Variants in NLGN1 observed in about 807,000 individuals in gnomAD.
The protein encoded by NLGN1 is neuroligin-1.
NLGN1 carries 12 observed loss-of-function variants against 65.5 expected under a neutral mutation model. That is an observed-to-expected ratio of 0.18 (90% CI 0.12 to 0.30). The LOEUF (loss-of-function observed/expected upper bound fraction) is 0.30. Ranked by LOEUF, NLGN1 falls within the 10% of genes least tolerant of loss-of-function variation. The pLI, the probability that NLGN1 is intolerant of heterozygous loss-of-function variation, is 1.00. For missense variants in NLGN1, 750 were observed against 1,007.1 expected (o/e 0.74, Z 3.46); for synonymous variants, 350 against 359.5 (o/e 0.97, Z 0.30).
intron 3 of NLGN1, among the ~76,000 whole-genome samples, chr3:173,787,626 A>G (rs1024569296): frequency 6.6e-5 from 10 of 152,200 alleles, no homozygotes; most frequent in Non-Finnish European, 1.0e-4. Context: ...TCCATAAAGC[A>G]TGAGGCCTCT....
chr3:173,978,827 C>A (rs1200697080), intron 4 of NLGN1, among the ~76,000 whole-genome samples: 3 of 130,028 alleles, frequency 2.3e-5, no homozygotes, highest in Non-Finnish European at 4.8e-5. Flanking sequence ...GAAACCCCTT[C>A]TCTAATTAAA....
intron 1 of NLGN1, among the ~76,000 whole-genome samples, chr3:173,410,112 T>C (rs1712201766): frequency 6.6e-6 from 1 of 152,236 alleles, no homozygotes; most frequent in African/African-American, 2.4e-5. Flanking sequence ...ACTTCACCTC[T>C]CTTTGATTTA....
At chr3:173,699,556 A>G (rs1159728393) in intron 3 of NLGN1, among the ~76,000 whole-genome samples, 2 of 152,212 alleles carry the variant, frequency 1.3e-5, no homozygotes, top group African/African-American at 4.8e-5. Context: ...GTGAATACAA[A>G]TGTAAGCTTC....
intron 4 of NLGN1, among the ~76,000 whole-genome samples, chr3:174,042,232 A>G (rs971725159): frequency 6.6e-6 from 1 of 151,826 alleles, no homozygotes; most frequent in African/African-American, 2.4e-5. Context: ...ATTTTGATGT[A>G]TTATTTTTTT....
At chr3:173,582,389 A>G (rs531663044) in intron 2 of NLGN1, among the ~76,000 whole-genome samples, 3 of 152,160 alleles carry the variant, frequency 2.0e-5, no homozygotes, top group South Asian at 4.1e-4. Flanking sequence ...ATGTTCAACT[A>G]TTGCTAAACT....
chr3:173,912,847 A>G (rs1739904117), intron 4 of NLGN1, among the ~76,000 whole-genome samples: 1 of 152,186 alleles, frequency 6.6e-6, no homozygotes, highest in East Asian at 1.9e-4. Context: ...TGGCTAGACG[A>G]AAATACTATA....
At chr3:173,761,359 A>G (rs755006486) in intron 3 of NLGN1, among the ~76,000 whole-genome samples, 4 of 152,034 alleles carry the variant, frequency 2.6e-5, no homozygotes, top group Admixed American at 6.6e-5. Flanking sequence ...TCCCAAACTC[A>G]GAAGAAAGGT....
chr3:173,748,079 C>T (rs551022651), intron 3 of NLGN1, among the ~76,000 whole-genome samples: 1 of 151,976 alleles, frequency 6.6e-6, no homozygotes, highest in African/African-American at 2.4e-5. Flanking sequence ...GGACTATAGG[C>T]ATGAGCCACC....
chr3:173,989,091 A>G (rs1387840778), intron 4 of NLGN1, among the ~76,000 whole-genome samples: 1 of 152,170 alleles, frequency 6.6e-6, no homozygotes, highest in Non-Finnish European at 1.5e-5. Flanking sequence ...ATTCTGTCAC[A>G]TCTCTCAAGG....
intron 4 of NLGN1, among the ~76,000 whole-genome samples, chr3:173,842,957 G>A (rs886717150): frequency 6.6e-5 from 10 of 152,274 alleles, no homozygotes; most frequent in East Asian, 3.9e-4. Flanking sequence ...CATGAGAGCC[G>A]TGCCCCTGCA....
At chr3:174,284,833 A>T (rs1011949832) in exon 7 of NLGN1, 1 of 151,438 alleles carries the variant, frequency 6.6e-6, no homozygotes, top group Non-Finnish European at 1.5e-5. Context: ...CTGAGTATAT[A>T]TTATTTTATT....
intron 4 of NLGN1, among the ~76,000 whole-genome samples, chr3:173,865,316 A>G (rs1361094133): frequency 6.6e-6 from 1 of 151,994 alleles, no homozygotes; most frequent in Admixed American, 6.6e-5. Flanking sequence ...ATGGTATATT[A>G]TTTGATTACA....
At chr3:173,867,793 G>A (rs551019676) in intron 4 of NLGN1, among the ~76,000 whole-genome samples, 1 of 152,198 alleles carries the variant, frequency 6.6e-6, no homozygotes, top group African/African-American at 2.4e-5. Flanking sequence ...AGAGGAGCAT[G>A]TGATAGGTTG....
At chr3:173,463,428 G>A (rs367928346) in intron 2 of NLGN1, among the ~76,000 whole-genome samples, 1 of 152,020 alleles carries the variant, frequency 6.6e-6, no homozygotes, top group Admixed American at 6.6e-5. Context: ...TGTTGCTCCC[G>A]CTGACCTTGT....
At chr3:174,232,285 T>G (rs1156593646) in intron 4 of NLGN1, among the ~76,000 whole-genome samples, 1 of 152,094 alleles carries the variant, frequency 6.6e-6, no homozygotes, top group Non-Finnish European at 1.5e-5. Context: ...AGAAGGAATT[T>G]CACAGGACAA....
chr3:173,753,404 G>A (rs913891212), intron 3 of NLGN1, among the ~76,000 whole-genome samples: 4 of 151,912 alleles, frequency 2.6e-5, no homozygotes, highest in African/African-American at 4.8e-5. Context: ...CCAGTGGCTC[G>A]GGCCAAAACA....
chr3:174,009,309 T>A (rs923698809), intron 4 of NLGN1, among the ~76,000 whole-genome samples: 1 of 152,080 alleles, frequency 6.6e-6, no homozygotes, highest in East Asian at 1.9e-4. Flanking sequence ...ACATATTAAT[T>A]TGGTGGAAGG....
At chr3:174,128,231 G>T (rs1365286667) in intron 4 of NLGN1, among the ~76,000 whole-genome samples, 1 of 152,090 alleles carries the variant, frequency 6.6e-6, no homozygotes. Context: ...CACACGCTAA[G>T]CTTAGCCTGA....
intron 2 of NLGN1, among the ~76,000 whole-genome samples, chr3:173,503,864 A>T (rs976304880): frequency 6.6e-6 from 1 of 152,078 alleles, no homozygotes; most frequent in Non-Finnish European, 1.5e-5. Context: ...GAAATTCCAT[A>T]TGCATAACTA....
Sources: gnomAD v4.1 joint callset for allele counts (sites outside exome capture counted in the v4.1 genomes callset) on GRCh38, gnomAD v4.1.1 for gene constraint, MANE v1.5 for transcripts, NCBI Gene and HGNC (gene_info 2026-07-23, HGNC 2026-07-21) for gene names.